The following CHSY1 variants were observed in gnomAD, a reference collection of about 807,000 sequenced individuals.
CHSY1 encodes the protein N-acetylgalactosaminyl-proteoglycan 3-beta-glucuronosyltransferase 1.
Under a neutral mutation model 59.8 loss-of-function variants are expected in CHSY1, and 13 were observed. The ratio of observed to expected loss-of-function variants is 0.22; its 90% CI spans 0.14 to 0.35. The LOEUF is 0.35. Ranked by LOEUF, CHSY1 falls within the 10% of genes least tolerant of loss-of-function variation. CHSY1 has a pLI of 1.00. For missense variants in CHSY1, 947 were observed against 1,030.6 expected (o/e 0.92, Z 1.11); for synonymous variants, 459 against 401.2 (o/e 1.14, Z -1.72).
Position 101,177,478 on chromosome 15 carries a change from G to A in CHSY1, c.2319C>T (p.Ser773=), listed in dbSNP as rs1428344775. 3 of 1,613,574 alleles carry A rather than the reference G, an allele frequency of 1.9e-6. No homozygotes were observed. The highest frequency in any genetic ancestry group is 2.2e-5 in the East Asian group (1 of 44,882). The part of the protein sequence containing the change: ...CLGSKASTYG[S]TQQLAEMWLE... The stretch of plus-strand genomic sequence containing the variant: ...GCCACATCTCAGCCAGCTGCTGGGT[G>A]GACCCATAGGTCGATGCTTTGGACC... Residue 773 remains serine (S), a synonymous_variant, in exon 3 of 3, where the codon TCC becomes TCT. Coordinates refer to ENST00000254190, the MANE Select transcript of CHSY1 (RefSeq NM_014918.5).
chr15:101,198,239 G>A (rs776706047), intron 2 of CHSY1, among the ~76,000 whole-genome samples: 2 of 152,066 alleles, frequency 1.3e-5, no homozygotes, highest in South Asian at 2.1e-4. Flanking sequence ...CAGCAGCCAC[G>A]CTACTGACCG....
At chr15:101,220,627 C>A (rs937767048) in intron 2 of CHSY1, among the ~76,000 whole-genome samples, 3 of 152,210 alleles carry the variant, frequency 2.0e-5, no homozygotes, top group Non-Finnish European at 4.4e-5. Flanking sequence ...ATGAGCAGAG[C>A]AGAGGGACCC....
At chr15:101,207,263 A>G (rs975884698) in intron 2 of CHSY1, among the ~76,000 whole-genome samples, 4 of 152,236 alleles carry the variant, frequency 2.6e-5, no homozygotes, top group Non-Finnish European at 5.9e-5. Flanking sequence ...TTTGGAAATA[A>G]AAAGTCTTTG....
intron 2 of CHSY1, among the ~76,000 whole-genome samples, chr15:101,222,173 A>C (rs2038795918): frequency 6.6e-6 from 1 of 152,220 alleles, no homozygotes; most frequent in Admixed American, 6.5e-5. Flanking sequence ...TTAGAAGTCA[A>C]TAAGCTAAAA....
At chr15:101,191,288 T>G (rs1173010691) in intron 2 of CHSY1, among the ~76,000 whole-genome samples, 3 of 152,236 alleles carry the variant, frequency 2.0e-5, no homozygotes, top group African/African-American at 7.2e-5. Flanking sequence ...GTTAAATGCA[T>G]GTTACTAAGT....
chr15:101,219,086 G>C (rs1189980068), intron 2 of CHSY1, among the ~76,000 whole-genome samples: 2 of 152,182 alleles, frequency 1.3e-5, no homozygotes, highest in Non-Finnish European at 2.9e-5. Context: ...AAATAATCCT[G>C]TTTTAGGGAA....
At chr15:101,183,002 C>A (rs1478056311) in intron 2 of CHSY1, among the ~76,000 whole-genome samples, 4 of 151,782 alleles carry the variant, frequency 2.6e-5, no homozygotes, top group South Asian at 4.1e-4. Flanking sequence ...ACAATATAGT[C>A]AAAGGGAAGA....
chr15:101,189,135 G>A (rs2038410483), intron 2 of CHSY1, among the ~76,000 whole-genome samples: 1 of 152,224 alleles, frequency 6.6e-6, no homozygotes, highest in Non-Finnish European at 1.5e-5. Flanking sequence ...GCGAACACAA[G>A]ATCGAGCCGG....
In CHSY1 at chr15:101,177,230, A is replaced by G; in HGVS notation, c.*158T>C. 1.5e-6 allele frequency: 1 copy of G among 648,742 alleles called. No individual in the cohort carries two copies. Among genetic ancestry groups the G allele is most frequent in the Non-Finnish European group, 2.6e-6 (1 of 389,430 alleles). The allele number at this position is 648,742 out of a possible 1,614,324, so 40.2% of individuals were successfully genotyped here. ...ATGTGTTCAAAGGCAAACACTGATC[A>G]CCTTCTTGTTCAGAAAGCTCAATCT... On this transcript the variant is annotated 3_prime_UTR_variant, in exon 3 of 3. Coordinates refer to ENST00000254190, the MANE Select transcript of CHSY1 (RefSeq NM_014918.5).
chr15:101,191,217 G>C (rs1230496865), intron 2 of CHSY1, among the ~76,000 whole-genome samples: 2 of 152,158 alleles, frequency 1.3e-5, no homozygotes, highest in African/African-American at 4.8e-5. Flanking sequence ...TTCAGATAAT[G>C]GAATACTATT....
At chr15:101,239,528 G>A (rs943815426) in intron 1 of CHSY1, among the ~76,000 whole-genome samples, 1 of 152,192 alleles carries the variant, frequency 6.6e-6, no homozygotes, top group Non-Finnish European at 1.5e-5. Context: ...TTGTTGTGAG[G>A]GTTAAATGAG....
intron 2 of CHSY1, among the ~76,000 whole-genome samples, chr15:101,204,469 A>G (rs1016149766): frequency 1.4e-5 from 2 of 142,356 alleles, no homozygotes; most frequent in East Asian, 2.1e-4. Flanking sequence ...TAATAATAAT[A>G]ATGTACACTT....
chr15:101,201,092 G>A (rs1224183606), intron 2 of CHSY1, among the ~76,000 whole-genome samples: 4 of 148,734 alleles, frequency 2.7e-5, no homozygotes, highest in Non-Finnish European at 5.9e-5. Flanking sequence ...GCAACCCAGA[G>A]TGTGTCTATA....
At chr15:101,205,931 G>A (rs535424539) in intron 2 of CHSY1, among the ~76,000 whole-genome samples, 88 of 151,188 alleles carry the variant, frequency 5.8e-4, no homozygotes, top group African/African-American at 2.0e-3. Flanking sequence ...CAGCCTGGGC[G>A]AAAGAGAGAG....
rs542392625 is a variant in CHSY1 at position 101,246,506 on chromosome 15, A to G, written c.320+4631T>C. Among the ~76,000 whole-genome samples, 56 of 152,320 alleles carry G rather than the reference A, an allele frequency of 3.7e-4. 2 individuals are homozygous for G. The South Asian group carries it at 0.011, about 30-fold the overall frequency. The stretch of plus-strand genomic sequence containing the variant: ...TCCACCGGATATTAAAATATTATTC[A>G]ACCTCCAATAATTTCAATGGGTGGT... On this transcript the variant is annotated intron_variant, in intron 1 of 2. Transcript: ENST00000254190.
In CHSY1 at chr15:101,235,513, C is replaced by G; in HGVS notation, c.385G>C (p.Val129Leu). The G allele has an allele frequency of 6.2e-7, 1 of 1,613,882 alleles. No homozygotes were observed. Among genetic ancestry groups the G allele is most frequent in the South Asian group, 1.1e-5 (1 of 91,080 alleles). The change falls in exon 2 of 3, where the codon GTA becomes CTA. Residue 129 changes from valine (V) to leucine (L), a missense_variant. This residue lies in a region of CHSY1 where 232 missense variants were observed against 188.5 expected (regional missense o/e 1.23). Transcript: ENST00000254190. ...FFSSEGSDTS[V>L]PIPVVPLRGV... is the part of the protein sequence containing the mutation. ...CGTAGTGGCACTACTGGAATTGGTACAGATGTGTCAGAACCCTCACTTGAG... is the reference window on the plus strand; with the variant it reads ...CGTAGTGGCACTACTGGAATTGGTAGAGATGTGTCAGAACCCTCACTTGAG...
chr15:101,188,457 A>G (rs1455455230), intron 2 of CHSY1, among the ~76,000 whole-genome samples: 1 of 152,218 alleles, frequency 6.6e-6, no homozygotes, highest in Non-Finnish European at 1.5e-5. Flanking sequence ...ACGCATGGTT[A>G]TCCCACTGTC....
rs147574216 is a variant in CHSY1, at chr15:101,199,171, A to G, written c.817-20191T>C. ...TTACATTTGTGGACACTGCGCCTCC[A>G]GCTTCCTACCTTTTCAATTCTAACA... On this transcript the variant is annotated intron_variant, in intron 2 of 2. Transcript: ENST00000254190. Among the ~76,000 whole-genome samples the G allele has an allele frequency of 3.2e-3, 494 of 152,180 alleles. 4 individuals are homozygous for G. Among genetic ancestry groups the G allele is most frequent in the East Asian group, 0.027 (141 of 5,178 alleles).
At chr15:101,181,984 A>C (rs916274984) in intron 2 of CHSY1, among the ~76,000 whole-genome samples, 1 of 152,266 alleles carries the variant, frequency 6.6e-6, no homozygotes, top group Non-Finnish European at 1.5e-5. Flanking sequence ...AAATGTTATT[A>C]AGAAAATGGC....
Sources: allele counts gnomAD v4.1 joint callset (sites outside exome capture counted in the v4.1 genomes callset), GRCh38; gene constraint gnomAD v4.1.1; regional missense constraint gnomAD v4.1.1; transcripts MANE v1.5; gene names NCBI Gene and HGNC (gene_info 2026-07-23, HGNC 2026-07-21).